Variants in SLC45A3 observed in about 807,000 individuals in gnomAD.
SLC45A3 encodes the protein prostate cancer associated protein 2.
A neutral mutation model predicts 35.3 loss-of-function variants in SLC45A3; 17 were observed. The observed-to-expected ratio is 0.48, with a 90% CI of 0.33 to 0.72. SLC45A3 has a LOEUF of 0.72. SLC45A3 is among the 30% of genes least tolerant of loss of function. The pLI, the probability that SLC45A3 is intolerant of heterozygous loss-of-function variation, is 0.02. For missense variants in SLC45A3, 597 were observed against 731.7 expected, an observed-to-expected ratio of 0.82 and a Z score of 2.12; for synonymous variants, 288 against 334.3, an observed-to-expected ratio of 0.86 and a Z score of 1.51.
At position 205,669,100 on chromosome 1, in the gene SLC45A3, A is replaced by C. The variant is rs1671164308; in HGVS notation, c.-230-4214T>G. On this transcript the variant is annotated intron_variant, in intron 1 of 4. Transcript: ENST00000367145. This position sits in a 1 kb window ranked among gnomAD's most constrained non-coding sequence, Gnocchi z 4.1. ...ATGGCTAAGAGCAAGGGGTGGCAGT[A>C]GAAGCAAGGGTGAGGGCTTAAGTCC... 6.6e-6 allele frequency among the ~76,000 whole-genome samples: 1 copy of C among 152,188 alleles called. No homozygotes were observed. Among genetic ancestry groups the C allele is most frequent in the South Asian group, 2.1e-4 (1 of 4,834 alleles).
At chr1:205,670,813 C>T (rs1457267305) in intron 1 of SLC45A3, among the ~76,000 whole-genome samples, 1 of 152,216 alleles carries the variant, frequency 6.6e-6, no homozygotes, top group Non-Finnish European at 1.5e-5. Context: ...GCTGCTGGCC[C>T]CCACCCCCTC....
Position 205,663,384 on chromosome 1 carries a change from C to T in SLC45A3, c.407G>A (p.Gly136Asp). The change falls in exon 3 of 5, where the codon GGC (glycine) becomes GAC (aspartate). Residue 136 changes from glycine (G) to aspartate (D), a missense_variant. Transcript: ENST00000367145. Reference sequence around the variant, plus strand: ...CTCCAGTGGAGTGAAGCACACCTGGCCACAGAAGTCCAGCAGCCCCACGCC... The same window carrying T: ...CTCCAGTGGAGTGAAGCACACCTGGTCACAGAAGTCCAGCAGCCCCACGCC... ...ILGVGLLDFC[G>D]QVCFTPLEAL... The T allele has an allele frequency of 1.2e-6, 2 of 1,613,360 alleles. No individual in the cohort carries two copies. Among genetic ancestry groups the T allele is most frequent in the Non-Finnish European group, 8.5e-7 (1 of 1,179,986 alleles).
intron 1 of SLC45A3, among the ~76,000 whole-genome samples, chr1:205,673,616 T>C (rs1294363124): frequency 1.3e-5 from 2 of 152,218 alleles, no homozygotes; most frequent in Non-Finnish European, 2.9e-5. Context: ...ACCATGGTGC[T>C]GGTTCCAACT....
chr1:205,664,670 G>C lies in SLC45A3; in HGVS notation c.-14C>G. 6.2e-7 allele frequency: 1 copy of C among 1,612,868 alleles called. No homozygotes were observed. The highest frequency in any genetic ancestry group is 8.5e-7 in the Non-Finnish European group (1 of 1,179,206). ...CCTCTGGACCATAGTGGGCCAGGCG[G>C]GTAGGGCTCAGGGGGCCGTTCAGGC... On this transcript the variant is annotated 5_prime_UTR_variant, in exon 2 of 5. Coordinates refer to ENST00000367145, the MANE Select transcript of SLC45A3 (RefSeq NM_033102.3). The surrounding 1 kb of genome is among the most constrained non-coding windows in gnomAD (Gnocchi z 5.3).
intron 1 of SLC45A3, among the ~76,000 whole-genome samples, chr1:205,672,536 T>C (rs1671234751): frequency 6.6e-6 from 1 of 152,238 alleles, no homozygotes; most frequent in Non-Finnish European, 1.5e-5. Context: ...ATACAATTCA[T>C]ACGCTCCAAA....
intron 4 of SLC45A3, among the ~76,000 whole-genome samples, chr1:205,660,447 C>T (rs992412156): frequency 3.9e-5 from 6 of 152,190 alleles, no homozygotes; most frequent in Non-Finnish European, 7.3e-5. Flanking sequence ...CAACATTGTC[C>T]CCATGCCAGA....
Position 205,663,129 on chromosome 1 carries a change from G to T in SLC45A3, c.662C>A (p.Ala221Glu). 2 of 1,610,082 alleles carry T rather than the reference G, an allele frequency of 1.2e-6. No individual in the cohort carries two copies. Among genetic ancestry groups the T allele is most frequent in the Non-Finnish European group, 1.7e-6 (2 of 1,178,006 alleles). ...TGCTGGCTCGGTGGGGCCCAGCGCTGCCTCCTCAGCCACCAGCAGTGTGGC... is the reference window on the plus strand; with the variant it reads ...TGCTGGCTCGGTGGGGCCCAGCGCTTCCTCCTCAGCCACCAGCAGTGTGGC... ...VAATLLVAEE[A>E]ALGPTEPAEG... is the part of the protein sequence containing the mutation. The change falls in exon 3 of 5, where the codon GCA (alanine) becomes GAA (glutamate). Residue 221 changes from alanine (A) to glutamate (E), a missense_variant. This residue lies in a region of SLC45A3 where 555 missense variants were observed against 664.9 expected (regional missense o/e 0.83). Coordinates refer to ENST00000367145, the MANE Select transcript of SLC45A3 (RefSeq NM_033102.3).
At chr1:205,671,966 C>T (rs1671224641) in intron 1 of SLC45A3, among the ~76,000 whole-genome samples, 1 of 152,194 alleles carries the variant, frequency 6.6e-6, no homozygotes, top group Non-Finnish European at 1.5e-5. Flanking sequence ...CTCTGCCGTG[C>T]GTCTTGATCT....
chr1:205,680,386 G>C lies in SLC45A3; in HGVS notation c.-231+8C>G, dbSNP rs956588590. 1 of 151,814 alleles carries C rather than the reference G, an allele frequency of 6.6e-6. No individual in the cohort carries two copies. The highest frequency in any genetic ancestry group is 2.4e-5 in the African/African-American group (1 of 41,306). 9.4% of individuals were successfully genotyped at this position (151,814 alleles called of 1,614,324 possible). A position where few individuals can be genotyped will look rare whatever the true frequency, so the allele number is the denominator to read the frequency against. On this transcript the variant is annotated splice_region_variant and intron_variant, in intron 1 of 4. Transcript: ENST00000367145. ...TCACCCCTGGGAGAGGAGGGGGCGC[G>C]CTCCTACCTGGCCGAGGCGCGCGGC... is the stretch of plus-strand genomic sequence containing the variant.
chr1:205,668,756 T>C (rs1417482850), intron 1 of SLC45A3, among the ~76,000 whole-genome samples: 1 of 151,958 alleles, frequency 6.6e-6, no homozygotes, highest in African/African-American at 2.4e-5. Context: ...CTAGGACAAG[T>C]CCCTCTCAAG....
Position 205,659,669 on chromosome 1 carries a change from C to G in SLC45A3, c.1227G>C (p.Val409=). ...TGTCCCCTCGGTATTTGGGCAGGAA[C>G]ACCTAAGGCAGAGGGGTGAAGAAAA... ...LASLYHREKQ[V]FLPKYRGDTG... The change falls in exon 5 of 5, where the codon GTG becomes GTC. Residue 409 remains valine (V), a splice_region_variant and synonymous_variant. Transcript: ENST00000367145. This position sits in a 1 kb window ranked among gnomAD's most constrained non-coding sequence, Gnocchi z 5.8. The G allele has an allele frequency of 6.6e-7, 1 of 1,523,160 alleles. No homozygotes were observed. Among genetic ancestry groups the G allele is most frequent in the African/African-American group, 1.4e-5 (1 of 71,956 alleles). 94.4% of individuals were successfully genotyped at this position (1,523,160 alleles called of 1,614,324 possible).
At chr1:205,672,100 G>A (rs1481818873) in intron 1 of SLC45A3, among the ~76,000 whole-genome samples, 1 of 152,038 alleles carries the variant, frequency 6.6e-6, no homozygotes. Flanking sequence ...AAAGTTCCTG[G>A]CGGCCACTTC....
At chr1:205,665,184 A>G (rs1400489449) in intron 1 of SLC45A3, among the ~76,000 whole-genome samples, 2 of 152,090 alleles carry the variant, frequency 1.3e-5, no homozygotes, top group Non-Finnish European at 2.9e-5. Flanking sequence ...AGTATTGGGG[A>G]GCGGGAGGGA....
intron 1 of SLC45A3, among the ~76,000 whole-genome samples, chr1:205,672,070 T>C (rs1671226664): frequency 6.6e-6 from 1 of 152,160 alleles, no homozygotes; most frequent in Non-Finnish European, 1.5e-5. Flanking sequence ...ATGTGGAGTG[T>C]GTTTGAGATA....
Position 205,669,920 on chromosome 1 carries a change from C to T in SLC45A3, c.-230-5034G>A, listed in dbSNP as rs1412952665. Among the ~76,000 whole-genome samples, 3 of 152,224 alleles carry T rather than the reference C, an allele frequency of 2.0e-5. No homozygotes were observed. Among genetic ancestry groups the T allele is most frequent in the African/African-American group, 7.2e-5 (3 of 41,472 alleles). On this transcript the variant is annotated intron_variant, in intron 1 of 4. Transcript: ENST00000367145. This position sits in a 1 kb window ranked among gnomAD's most constrained non-coding sequence, Gnocchi z 4.1. ...AGTGAGATGGCAGAGAAGGGGCAAC[C>T]CCAGCACCTTGCTCCAAACTGAGCT...
At chr1:205,675,162 C>A (rs1671290225) in intron 1 of SLC45A3, among the ~76,000 whole-genome samples, 1 of 152,194 alleles carries the variant, frequency 6.6e-6, no homozygotes, top group Admixed American at 6.5e-5. Flanking sequence ...CTCTCCGTTG[C>A]CAGATTTCTT....
chr1:205,680,222 C>T (rs1404043112), intron 1 of SLC45A3, among the ~76,000 whole-genome samples, 172 bp downstream of exon 1: 1 of 151,964 alleles, frequency 6.6e-6, no homozygotes, highest in East Asian at 1.9e-4. Context: ...GTGGGACGCG[C>T]CCTCCTCTGG....
In SLC45A3 at chr1:205,664,963, G is replaced by T; in HGVS notation, c.-230-77C>A. On this transcript the variant is annotated intron_variant, in intron 1 of 4. Transcript: ENST00000367145. The surrounding 1 kb of genome is among the most constrained non-coding windows in gnomAD (Gnocchi z 5.3). ...AGGTCTCCACGATTTGCTCTAAATT[G>T]TCTGGATCCTGATCATTCACAGGCT... The T allele has an allele frequency of 1.7e-6, 2 of 1,206,606 alleles. No individual in the cohort carries two copies. The highest frequency in any genetic ancestry group is 2.1e-6 in the Non-Finnish European group (2 of 966,918). The allele number at this position is 1,206,606 out of a possible 1,614,324, so 74.7% of individuals were successfully genotyped here.
chr1:205,670,973 C>T (rs1192869089), intron 1 of SLC45A3, among the ~76,000 whole-genome samples: 4 of 152,200 alleles, frequency 2.6e-5, no homozygotes, highest in East Asian at 1.9e-4. Context: ...GGCTGTGGCG[C>T]GGTGGAGAGT....
Sources: allele counts gnomAD v4.1 joint callset (sites outside exome capture counted in the v4.1 genomes callset), GRCh38; gene constraint gnomAD v4.1.1; regional missense constraint gnomAD v4.1.1; non-coding constraint Gnocchi (gnomAD v3.1); transcripts MANE v1.5; gene names NCBI Gene and HGNC (gene_info 2026-07-23, HGNC 2026-07-21).